EHMT1: variants seen among roughly 807,000 people sequenced by gnomAD.
The protein encoded by EHMT1 is euchromatic histone lysine methyltransferase 1.
Under a neutral mutation model 147.2 loss-of-function variants are expected in EHMT1, and 15 were observed. That is an observed-to-expected ratio of 0.10 (90% CI 0.07 to 0.16). EHMT1 has a LOEUF of 0.16. Among genes scored for constraint, EHMT1 ranks in the 10% least tolerant of loss-of-function variants. The pLI is 1.00. For missense variants in EHMT1, 1,587 were observed against 1,772.4 expected (o/e 0.90, Z 1.88); for synonymous variants, 795 against 709.6 (o/e 1.12, Z -1.91).
At chr9:137,635,421 T>C (rs1224112470) in intron 1 of EHMT1, among the ~76,000 whole-genome samples, 2 of 151,682 alleles carry the variant, frequency 1.3e-5, no homozygotes. Context: ...TTCACCATGT[T>C]GGACAGGCTG....
chr9:137,776,930 G>C lies in EHMT1; in HGVS notation c.2018+86G>C, dbSNP rs999436184. ...TAACTCAACGTTATTGCTTCCTGCT[G>C]TTTTTTCCAGAAGTCTCTGAGCTGA... On this transcript the variant is annotated intron_variant, in intron 12 of 26. Transcript: ENST00000460843. The surrounding 1 kb of genome is among the most constrained non-coding windows in gnomAD (Gnocchi z 4.4). 1 of 1,291,138 alleles carries C rather than the reference G, an allele frequency of 7.7e-7. No homozygotes were observed. The highest frequency in any genetic ancestry group is 1.1e-6 in the Non-Finnish European group (1 of 915,378). 80.0% of individuals were successfully genotyped at this position (1,291,138 alleles called of 1,614,324 possible).
intron 3 of EHMT1, among the ~76,000 whole-genome samples, chr9:137,723,437 C>T (rs11137188): frequency 0.067 from 8,741 of 130,360 alleles, 1,470 homozygotes; most frequent in African/African-American, 0.29. Context: ...GGCCTGAGCC[C>T]GGGGTGTGCC....
intron 4 of EHMT1, among the ~76,000 whole-genome samples, chr9:137,730,730 C>T (rs1947036176): frequency 6.6e-6 from 1 of 152,244 alleles, no homozygotes; most frequent in South Asian, 2.1e-4. Flanking sequence ...GTTCTGAGTC[C>T]TGGGGCGTGG....
chr9:137,628,799 C>G (rs1241037032), intron 1 of EHMT1, among the ~76,000 whole-genome samples: 2 of 152,202 alleles, frequency 1.3e-5, no homozygotes, highest in African/African-American at 2.4e-5. Context: ...TGCTGGAGAT[C>G]CCACACGTGG....
At position 137,646,935 on chromosome 9, in the gene EHMT1, C is replaced by T. The variant is rs1031735131; in HGVS notation, c.21+27886C>T. On this transcript the variant is annotated intron_variant, in intron 1 of 26. Transcript: ENST00000460843. ...GCAGGCTTTGGTCTCCACTACTCCT[C>T]AGATGCCCTTTTGGTTATGGTCACC... Among the ~76,000 whole-genome samples the T allele has an allele frequency of 3.9e-5, 6 of 152,276 alleles. No homozygotes were observed. In the South Asian group the frequency reaches 1.2e-3, roughly 32 times the overall value.
intron 18 of EHMT1, among the ~76,000 whole-genome samples, chr9:137,808,688 G>A (rs996632817): frequency 4.0e-5 from 6 of 151,238 alleles, no homozygotes; most frequent in African/African-American, 7.3e-5. Flanking sequence ...GGGGGGGCGC[G>A]TGGTGGCAGA....
chr9:137,718,389 TTC>T, intron 3 of EHMT1, among the ~76,000 whole-genome samples: 2 of 152,376 alleles, frequency 1.3e-5, no homozygotes, highest in Middle Eastern at 3.4e-3. Flanking sequence ...CCGTGGAATT[TTC>T]TCTCTCTGAC....
intron 10 of EHMT1, among the ~76,000 whole-genome samples, chr9:137,769,892 A>G (rs112434846): frequency 6.6e-6 from 1 of 152,046 alleles, no homozygotes; most frequent in Admixed American, 6.6e-5. Flanking sequence ...GCTGGAGTTC[A>G]GTGGCATGAA....
chr9:137,737,516 G>C (rs1947644864), intron 4 of EHMT1, among the ~76,000 whole-genome samples: 1 of 152,130 alleles, frequency 6.6e-6, no homozygotes, highest in Non-Finnish European at 1.5e-5. Flanking sequence ...GCCTAAGACA[G>C]GTCCAGGACC....
chr9:137,684,700 C>T (rs1942271383), intron 1 of EHMT1, among the ~76,000 whole-genome samples: 1 of 152,006 alleles, frequency 6.6e-6, no homozygotes, highest in South Asian at 2.1e-4. Flanking sequence ...ACCACTTTGC[C>T]CAGGCTGCTC....
At position 137,782,774 on chromosome 9, in the gene EHMT1, G is replaced by A. The variant is rs1024807101; in HGVS notation, c.2382+377G>A. On this transcript the variant is annotated intron_variant, in intron 15 of 26. Coordinates refer to ENST00000460843, the MANE Select transcript of EHMT1 (RefSeq NM_024757.5). This position sits in a 1 kb window ranked among gnomAD's most constrained non-coding sequence, Gnocchi z 5.7. ...ATTTTGTTTAGATCAGATCGTGTGA[G>A]CATTTTCAAGCTGAACCACGTCGTC... is the stretch of plus-strand genomic sequence containing the variant. Among the ~76,000 whole-genome samples, 2 of 152,174 alleles carry A rather than the reference G, an allele frequency of 1.3e-5. No homozygotes were observed. The highest frequency in any genetic ancestry group is 4.8e-5 in the African/African-American group (2 of 41,438).
At chr9:137,768,529 ATTTTTTTTTTTTTTTTTTTTTTT>A (rs947901899) in intron 10 of EHMT1, among the ~76,000 whole-genome samples, 12 of 18,286 alleles carry the variant, frequency 6.6e-4, no homozygotes, top group Non-Finnish European at 1.1e-3. Context: ...AATTTTTTGT[ATTTTTTTTTTTTTTTTTTTTTTT>A]TTTTTTTTTT....
chr9:137,621,898 G>C (rs1219621120), intron 1 of EHMT1, among the ~76,000 whole-genome samples: 1 of 149,300 alleles, frequency 6.7e-6, no homozygotes, highest in East Asian at 1.9e-4. Flanking sequence ...AAAAATCAGT[G>C]CTAAAACCCT....
chr9:137,659,920 A>G (rs1437928484), intron 1 of EHMT1, among the ~76,000 whole-genome samples: 1 of 151,888 alleles, frequency 6.6e-6, no homozygotes, highest in Non-Finnish European at 1.5e-5. Flanking sequence ...GCAGTCCAAA[A>G]TGTATTTACC....
In EHMT1 at chr9:137,813,188, A is replaced by G. The variant is rs1379549938; in HGVS notation, c.3035+15A>G. Reference sequence around the variant, plus strand: ...ATAGTGAGCAGGTGAGCCCAGCCCCAGGACGGCTTTGTGGCAAATCAGCGG... The same window carrying G: ...ATAGTGAGCAGGTGAGCCCAGCCCCGGGACGGCTTTGTGGCAAATCAGCGG... On this transcript the variant is annotated intron_variant, in intron 20 of 26. Transcript: ENST00000460843. The surrounding 1 kb of genome is among the most constrained non-coding windows in gnomAD (Gnocchi z 4.9). 3.7e-6 allele frequency: 6 copies of G among 1,606,296 alleles called. No homozygotes were observed. Among genetic ancestry groups the G allele is most frequent in the Non-Finnish European group, 5.1e-6 (6 of 1,179,782 alleles).
In EHMT1 at chr9:137,814,516, C is replaced by A; in HGVS notation, c.3258+8C>A. On this transcript the variant is annotated splice_region_variant and intron_variant, in intron 22 of 26. Transcript: ENST00000460843. The stretch of plus-strand genomic sequence containing the variant: ...CGCTGCTGGTACGACAAGGTGAGGG[C>A]GGCCTCGTGTGCGTGGGCTCAGGTG... 2.5e-6 allele frequency: 4 copies of A among 1,604,340 alleles called. No individual in the cohort carries two copies. The highest frequency in any genetic ancestry group is 3.4e-6 in the Non-Finnish European group (4 of 1,179,968).
chr9:137,817,488 T>G lies in EHMT1; in HGVS notation c.3424T>G (p.Ser1142Ala). The G allele has an allele frequency of 6.2e-7, 1 of 1,614,100 alleles. No individual in the cohort carries two copies. Among genetic ancestry groups the G allele is most frequent in the Non-Finnish European group, 8.5e-7 (1 of 1,180,010 alleles). Residue 1142 changes from serine to alanine, a missense_variant, in exon 24 of 27, where the codon TCC (serine) becomes GCC (alanine). Coordinates refer to ENST00000460843, the MANE Select transcript of EHMT1 (RefSeq NM_024757.5). Reference protein sequence around the residue: ...RTRDMGWGVRSLQDIPPGTFV... With the variant: ...RTRDMGWGVRALQDIPPGTFV... ...GCGGGACATGGGCTGGGGCGTGCGGTCCCTGCAGGACATCCCACCAGGCAC... is the reference window on the plus strand; with the variant it reads ...GCGGGACATGGGCTGGGGCGTGCGGGCCCTGCAGGACATCCCACCAGGCAC...
At chr9:137,662,832 C>T (rs1422066836) in intron 1 of EHMT1, among the ~76,000 whole-genome samples, 1 of 150,858 alleles carries the variant, frequency 6.6e-6, no homozygotes, top group Non-Finnish European at 1.5e-5. Flanking sequence ...CTTGCTCTGT[C>T]ACCCAGGCTG....
chr9:137,679,778 T>A (rs1265026989), intron 1 of EHMT1, among the ~76,000 whole-genome samples: 3 of 152,244 alleles, frequency 2.0e-5, no homozygotes, highest in African/African-American at 7.2e-5. Context: ...ACCATATAAA[T>A]GTTTGAAATA....
Sources: gnomAD v4.1 joint callset for allele counts (sites outside exome capture counted in the v4.1 genomes callset) on GRCh38, gnomAD v4.1.1 for gene constraint, Gnocchi (gnomAD v3.1) non-coding constraint, MANE v1.5 for transcripts, NCBI Gene and HGNC (gene_info 2026-07-23, HGNC 2026-07-21) for gene names.